Variants in GABRG3 observed in about 807,000 individuals in gnomAD.
GABRG3 encodes the protein gamma-aminobutyric acid receptor subunit gamma-3.
Under a neutral mutation model 48.8 loss-of-function variants are expected in GABRG3, and 25 were observed. That is an observed-to-expected ratio of 0.51 (90% CI 0.37 to 0.72). The LOEUF (loss-of-function observed/expected upper bound fraction) is 0.72, where lower values mean the gene tolerates loss of function less well. GABRG3 is among the 30% of genes least tolerant of loss of function. The pLI, the probability that GABRG3 is intolerant of heterozygous loss-of-function variation, is 0.00. For synonymous variants in GABRG3, 227 were observed against 217.6 expected (o/e 1.04, Z -0.38); for missense variants, 394 against 577.9 (o/e 0.68, Z 3.26).
chr15:27,004,590 G>A (rs534569997), intron 2 of GABRG3, among the ~76,000 whole-genome samples: 2 of 152,334 alleles, frequency 1.3e-5, no homozygotes, highest in East Asian at 3.9e-4. Context: ...GGGAGGCCAA[G>A]GCAGGCGGCT....
intron 3 of GABRG3, among the ~76,000 whole-genome samples, chr15:27,184,963 G>C (rs1382066855): frequency 6.6e-6 from 1 of 151,778 alleles, no homozygotes; most frequent in Non-Finnish European, 1.5e-5. Context: ...TTTATTGTTT[G>C]CATTGATTTG....
chr15:27,468,077 A>G (rs2150838918), intron 5 of GABRG3, among the ~76,000 whole-genome samples: 1 of 152,320 alleles, frequency 6.6e-6, no homozygotes, highest in East Asian at 1.9e-4. Context: ...CACAGTACTG[A>G]TACCAGCGGG....
At chr15:27,238,429 T>G (rs1890041286) in intron 3 of GABRG3, among the ~76,000 whole-genome samples, 1 of 152,236 alleles carries the variant, frequency 6.6e-6, no homozygotes, top group Admixed American at 6.5e-5. Flanking sequence ...ACTGCAGCTA[T>G]TTCACATTAT....
intron 3 of GABRG3, among the ~76,000 whole-genome samples, chr15:27,059,561 A>C (rs920130408): frequency 7.9e-5 from 12 of 152,256 alleles, no homozygotes; most frequent in Admixed American, 7.8e-4. Flanking sequence ...CCAAATCAAG[A>C]ATATAACTGT....
chr15:27,414,928 T>C (rs1887897859), intron 5 of GABRG3, among the ~76,000 whole-genome samples: 1 of 152,202 alleles, frequency 6.6e-6, no homozygotes, highest in African/African-American at 2.4e-5. Flanking sequence ...TCTTTATCTT[T>C]GATTTTCGGG....
At chr15:27,481,115 TAAG>T in intron 6 of GABRG3, 2 of 1,101,008 alleles carry the variant, frequency 1.8e-6, no homozygotes, top group Admixed American at 4.7e-5. Flanking sequence ...TCCACGTACA[TAAG>T]AAGAATCAAA....
chr15:27,257,945 A>G (rs1406092196), intron 3 of GABRG3, among the ~76,000 whole-genome samples: 1 of 151,800 alleles, frequency 6.6e-6, no homozygotes, highest in Non-Finnish European at 1.5e-5. Flanking sequence ...CCTTGTGCCC[A>G]GCGTGAGGTC....
At chr15:27,224,036 G>C (rs920028545) in intron 3 of GABRG3, among the ~76,000 whole-genome samples, 2 of 152,176 alleles carry the variant, frequency 1.3e-5, no homozygotes, top group Admixed American at 6.5e-5. Flanking sequence ...TGGCACCTGG[G>C]TGGGGTACCC....
At chr15:27,212,431 G>C (rs1430520464) in intron 3 of GABRG3, among the ~76,000 whole-genome samples, 1 of 152,106 alleles carries the variant, frequency 6.6e-6, no homozygotes, top group Non-Finnish European at 1.5e-5. Context: ...CAGTATTTGG[G>C]GAAATAATTT....
intron 3 of GABRG3, among the ~76,000 whole-genome samples, chr15:27,119,201 T>C (rs1462399662): frequency 6.6e-6 from 1 of 152,188 alleles, no homozygotes; most frequent in Admixed American, 6.5e-5. Context: ...TTTCATCCAA[T>C]TACACCTCTA....
chr15:27,142,606 C>CAAACCA (rs1898125300), intron 3 of GABRG3, among the ~76,000 whole-genome samples: 1 of 152,174 alleles, frequency 6.6e-6, no homozygotes, highest in African/African-American at 2.4e-5. Flanking sequence ...GACACAGAGC[C>CAAACCA]AAACCATGGA....
intron 3 of GABRG3, among the ~76,000 whole-genome samples, chr15:27,142,038 A>G (rs1036318749): frequency 6.6e-6 from 1 of 152,188 alleles, no homozygotes; most frequent in African/African-American, 2.4e-5. Context: ...GTTTTTACAC[A>G]TTCACCTTGA....
chr15:27,532,466 T>A, intron 9 of GABRG3, 134 bp from the exon 10 acceptor site: 1 of 556,998 alleles, frequency 1.8e-6, no homozygotes, highest in South Asian at 2.4e-5. Flanking sequence ...CTCTCCAGCA[T>A]GGGGGGAAGG....
chr15:27,304,592 T>C (rs1490404225), intron 3 of GABRG3, among the ~76,000 whole-genome samples: 1 of 151,758 alleles, frequency 6.6e-6, no homozygotes, highest in Non-Finnish European at 1.5e-5. Context: ...CCACCCACAT[T>C]CCCCCATCCA....
At chr15:27,093,353 A>T (rs1391394882) in intron 3 of GABRG3, among the ~76,000 whole-genome samples, 1 of 152,144 alleles carries the variant, frequency 6.6e-6, no homozygotes, top group Non-Finnish European at 1.5e-5. Flanking sequence ...TGGGATGATG[A>T]TGATAATAGT....
At chr15:27,263,476 A>T (rs759753066) in intron 3 of GABRG3, among the ~76,000 whole-genome samples, 5 of 152,160 alleles carry the variant, frequency 3.3e-5, no homozygotes, top group Non-Finnish European at 7.4e-5. Context: ...ACACTTTCTC[A>T]AACAAGCAGA....
chr15:27,334,885 A>C (rs748027258), intron 5 of GABRG3, among the ~76,000 whole-genome samples: 7 of 152,234 alleles, frequency 4.6e-5, no homozygotes, highest in Non-Finnish European at 8.8e-5. Context: ...CAAAAAAGTG[A>C]TAAATGAGAC....
At position 27,048,980 on chromosome 15, in the gene GABRG3, C is replaced by T. The variant is rs556839082; in HGVS notation, c.270+22159C>T. Among the ~76,000 whole-genome samples, 18 of 152,368 alleles carry T rather than the reference C, an allele frequency of 1.2e-4. No individual in the cohort carries two copies. The South Asian group carries it at 1.4e-3, about 12-fold the overall frequency. On this transcript the variant is annotated intron_variant, in intron 3 of 9. Transcript: ENST00000615808. ...CTGGGGCCTGCTGCCCACCACGCTA[C>T]GGGGCTCTGTGAGCCTCGGACGCAC...
chr15:27,383,252 ATTAC>A (rs1895829763), intron 5 of GABRG3, among the ~76,000 whole-genome samples: 2 of 152,168 alleles, frequency 1.3e-5, no homozygotes, highest in African/African-American at 2.4e-5. Flanking sequence ...AGTTTGTGCT[ATTAC>A]TTATTTGTCA....
Sources: gnomAD v4.1 joint callset for allele counts (sites outside exome capture counted in the v4.1 genomes callset) on GRCh38, gnomAD v4.1.1 for gene constraint, MANE v1.5 for transcripts, NCBI Gene and HGNC (gene_info 2026-07-23, HGNC 2026-07-21) for gene names.